CHID1: variants seen among roughly 807,000 people sequenced by gnomAD.
CHID1 encodes the protein chitinase domain containing 1.
Under a neutral mutation model 55.4 loss-of-function variants are expected in CHID1, and 44 were observed. The observed-to-expected ratio is 0.79, with a 90% CI of 0.62 to 1.02. The LOEUF (loss-of-function observed/expected upper bound fraction) is 1.02, where lower values mean the gene tolerates loss of function less well. CHID1 is among the 50% of genes least tolerant of loss of function. The pLI is 0.00. For synonymous variants in CHID1, 216 were observed against 212.9 expected (o/e 1.01, Z -0.13); for missense variants, 491 against 515.3 (o/e 0.95, Z 0.46).
rs1849438327 is a variant in CHID1 at position 875,354 on chromosome 11, C to G, written c.960-4855G>C. On this transcript the variant is annotated intron_variant, in intron 10 of 12. Coordinates refer to ENST00000323578, the MANE Select transcript of CHID1 (RefSeq NM_023947.4). This position sits in a 1 kb window ranked among gnomAD's most constrained non-coding sequence, Gnocchi z 4.7. ...TGTCCTGACCGGAGGCCCTGAGGTTCACCGTCTCCCGCTCGGGGAGGCGGG... is the reference window on the plus strand; with the variant it reads ...TGTCCTGACCGGAGGCCCTGAGGTTGACCGTCTCCCGCTCGGGGAGGCGGG... Among the ~76,000 whole-genome samples, 1 of 152,230 alleles carries G rather than the reference C, an allele frequency of 6.6e-6. No homozygotes were observed. Among genetic ancestry groups the G allele is most frequent in the South Asian group, 2.1e-4 (1 of 4,836 alleles).
intron 10 of CHID1, among the ~76,000 whole-genome samples, chr11:871,097 T>G (rs1849150330): frequency 6.6e-6 from 1 of 151,704 alleles, no homozygotes; most frequent in Admixed American, 6.6e-5. Flanking sequence ...TTCAGGTGAT[T>G]CTTCTGCCTC....
At chr11:878,740 T>C (rs1330292285) in intron 10 of CHID1, among the ~76,000 whole-genome samples, 1 of 151,868 alleles carries the variant, frequency 6.6e-6, no homozygotes, top group Non-Finnish European at 1.5e-5. Context: ...CTCGCACTGT[T>C]GCCCAGGCTG....
chr11:872,041 T>C (rs555659778), intron 10 of CHID1, among the ~76,000 whole-genome samples: 2 of 152,314 alleles, frequency 1.3e-5, no homozygotes, highest in South Asian at 2.1e-4. Flanking sequence ...ATCGGGTAGC[T>C]CTGGCCTTTT....
At chr11:883,002 C>T (rs960673684) in intron 10 of CHID1, 146 bp downstream of exon 10, 16 of 887,626 alleles carry the variant, frequency 1.8e-5, no homozygotes, top group Non-Finnish European at 2.6e-5. Flanking sequence ...CAAGCAGGAC[C>T]GGCTCCTGGC....
intron 1 of CHID1, among the ~76,000 whole-genome samples, chr11:908,820 T>C (rs1276344738): frequency 6.6e-6 from 1 of 152,216 alleles, no homozygotes; most frequent in Non-Finnish European, 1.5e-5. Context: ...TCCACCCACC[T>C]AGTGGCCCCT....
chr11:910,789 G>C lies in CHID1; in HGVS notation c.-58C>G, dbSNP rs1364678596. The C allele has an allele frequency of 8.9e-7, 1 of 1,121,370 alleles. No homozygotes were observed. Among genetic ancestry groups the C allele is most frequent in the Non-Finnish European group, 1.1e-6 (1 of 909,196 alleles). 69.5% of individuals were successfully genotyped at this position (1,121,370 alleles called of 1,614,324 possible). On this transcript the variant is annotated 5_prime_UTR_variant, in exon 1 of 13. Coordinates refer to ENST00000323578, the MANE Select transcript of CHID1 (RefSeq NM_023947.4). ...GCGGGGCTCACCTGCATGTCAGGGAGGCCGGACGGCCACAAACGCACGGCC... is the reference window on the plus strand; with the variant it reads ...GCGGGGCTCACCTGCATGTCAGGGACGCCGGACGGCCACAAACGCACGGCC...
chr11:872,545 C>T (rs976225189), intron 10 of CHID1, among the ~76,000 whole-genome samples: 1 of 152,232 alleles, frequency 6.6e-6, no homozygotes, highest in Non-Finnish European at 1.5e-5. Flanking sequence ...CCCTGCCCTC[C>T]TGTGGCTGGG....
chr11:903,846 C>T (rs1171887654), intron 2 of CHID1: 2 of 200,176 alleles, frequency 1.0e-5, no homozygotes, highest in Admixed American at 6.3e-5. Flanking sequence ...TGCCTGCCAC[C>T]GCCCCCGCCA....
At chr11:887,707 C>T (rs761635887) in intron 8 of CHID1, among the ~76,000 whole-genome samples, 140 of 152,344 alleles carry the variant, frequency 9.2e-4, no homozygotes, top group Middle Eastern at 6.8e-3. Context: ...CCCTTCCAAG[C>T]ACCCCGTCCC....
At chr11:905,632 T>C (rs1215585227) in intron 1 of CHID1, among the ~76,000 whole-genome samples, 2 of 150,876 alleles carry the variant, frequency 1.3e-5, no homozygotes, top group African/African-American at 4.9e-5. Context: ...ATCATGCCAC[T>C]GCACTCCAGC....
rs1195283102 is a variant in CHID1, at chr11:868,936, G to A, written c.*922C>T. The A allele has an allele frequency of 6.6e-6, 1 of 152,226 alleles. No individual in the cohort carries two copies. The highest frequency in any genetic ancestry group is 1.5e-5 in the Non-Finnish European group (1 of 68,096). The allele number at this position is 152,226 out of a possible 1,614,324, so 9.4% of individuals were successfully genotyped here. On this transcript the variant is annotated 3_prime_UTR_variant, in exon 13 of 13. Coordinates refer to ENST00000323578, the MANE Select transcript of CHID1 (RefSeq NM_023947.4). ...CACCTCAGCCCTGTGGGACCCAGTG[G>A]TGAGGAGGGGAGTCCTCACGGCCAG...
rs776207830 is a variant in CHID1, at chr11:883,169, C to G, written c.938G>C (p.Arg313Pro). 1.2e-6 allele frequency: 2 copies of G among 1,612,772 alleles called. No individual in the cohort carries two copies. Among genetic ancestry groups the G allele is most frequent in the Non-Finnish European group, 1.7e-6 (2 of 1,178,884 alleles). Residue 313 changes from arginine (R) to proline (P), a missense_variant, in exon 10 of 13, where the codon CGT becomes CCT. Coordinates refer to ENST00000323578, the MANE Select transcript of CHID1 (RefSeq NM_023947.4). ...GMDYATSKDA[R>P]EPVVGARYIQ... ...TCACCTGGCCCCGACAACAGGCTCA[C>G]GGGCATCCTTGGAGGTCGCGTAGTC...
At chr11:908,497 A>C (rs1392423464) in intron 1 of CHID1, 1 of 811,592 alleles carries the variant, frequency 1.2e-6, no homozygotes, top group Admixed American at 6.2e-5. Context: ...GAAGGTGGGG[A>C]GGGTTCTGGC....
intron 7 of CHID1, among the ~76,000 whole-genome samples, chr11:894,498 C>T (rs961158359): frequency 6.6e-6 from 1 of 152,214 alleles, no homozygotes; most frequent in Non-Finnish European, 1.5e-5. Context: ...TGGCCTGGAG[C>T]ACATGCTGCT....
At chr11:873,658 A>G (rs1849318806) in intron 10 of CHID1, among the ~76,000 whole-genome samples, 2 of 152,198 alleles carry the variant, frequency 1.3e-5, no homozygotes, top group Non-Finnish European at 2.9e-5. Context: ...AGAAACATCC[A>G]GAACAGACAA....
At chr11:892,431 GC>G (rs1850910544) in intron 8 of CHID1, among the ~76,000 whole-genome samples, 2 of 152,240 alleles carry the variant, frequency 1.3e-5, no homozygotes, top group Non-Finnish European at 2.9e-5. Flanking sequence ...TCTGCACAAT[GC>G]TGGGTACGTG....
At chr11:878,406 A>C (rs765181035) in intron 10 of CHID1, among the ~76,000 whole-genome samples, 1 of 151,972 alleles carries the variant, frequency 6.6e-6, no homozygotes, top group African/African-American at 2.4e-5. Context: ...CCGTCTCAAA[A>C]AAAACAAAAC....
At chr11:905,433 G>C (rs1852138229) in intron 1 of CHID1, among the ~76,000 whole-genome samples, 1 of 152,188 alleles carries the variant, frequency 6.6e-6, no homozygotes, top group Admixed American at 6.5e-5. Flanking sequence ...TTAATGGGAG[G>C]CTGAGGCGGG....
chr11:908,506 G>C, intron 1 of CHID1: 1 of 896,972 alleles, frequency 1.1e-6, no homozygotes, highest in South Asian at 5.1e-5. Flanking sequence ...GAGGGTTCTG[G>C]CCATGGCACA....
Sources: allele counts gnomAD v4.1 joint callset (sites outside exome capture counted in the v4.1 genomes callset), GRCh38; gene constraint gnomAD v4.1.1; non-coding constraint Gnocchi (gnomAD v3.1); transcripts MANE v1.5; gene names NCBI Gene and HGNC (gene_info 2026-07-23, HGNC 2026-07-21).